The following CHSY3 variants were observed in gnomAD, a reference collection of about 807,000 sequenced individuals.
The protein encoded by CHSY3 is chondroitin sulfate synthase 3.
CHSY3 carries 35 observed loss-of-function variants against 67.2 expected under a neutral mutation model. The ratio of observed to expected loss-of-function variants is 0.52; its 90% CI spans 0.40 to 0.69. The LOEUF (loss-of-function observed/expected upper bound fraction) is 0.69, where lower values mean the gene tolerates loss of function less well. Ranked by LOEUF, CHSY3 falls within the 30% of genes least tolerant of loss-of-function variation. The pLI is 0.00. For missense variants in CHSY3, 1,069 were observed against 1,138.5 expected, an observed-to-expected ratio of 0.94 and a Z score of 0.88; for synonymous variants, 474 against 434.7, an observed-to-expected ratio of 1.09 and a Z score of -1.12.
chr5:129,988,016 A>G (rs1763254863), intron 2 of CHSY3, among the ~76,000 whole-genome samples: 1 of 152,204 alleles, frequency 6.6e-6, no homozygotes, highest in Non-Finnish European at 1.5e-5. Context: ...TACCTGAAAT[A>G]ATCTACAGAT....
At position 129,957,987 on chromosome 5, in the gene CHSY3, T is replaced by A. The variant is rs141618754; in HGVS notation, c.1086+49627T>A. On this transcript the variant is annotated intron_variant, in intron 2 of 2. Transcript: ENST00000305031. ...GTCTGTTTTATCTTTACTTTCATGT[T>A]TTTCTTCTTCTGAGGTTTATATCCT... 3.8e-3 allele frequency among the ~76,000 whole-genome samples: 581 copies of A among 152,266 alleles called. 8 individuals are homozygous for A. Among genetic ancestry groups the A allele is most frequent in the African/African-American group, 0.013 (546 of 41,574 alleles).
At chr5:129,905,777 C>A (rs1261094683) in intron 1 of CHSY3, 146 bp downstream of exon 1, 16 of 1,442,668 alleles carry the variant, frequency 1.1e-5, no homozygotes, top group African/African-American at 1.4e-5. Flanking sequence ...CCCTCCCCAC[C>A]CCTTGCATCC....
At chr5:130,104,322 T>A (rs957172843) in intron 2 of CHSY3, among the ~76,000 whole-genome samples, 2 of 151,962 alleles carry the variant, frequency 1.3e-5, no homozygotes, top group Non-Finnish European at 2.9e-5. Context: ...ATGGGAATCC[T>A]TTCTCACCGA....
At position 130,148,349 on chromosome 5, in the gene CHSY3, G is replaced by A. The variant is rs541392889; in HGVS notation, c.1087-35880G>A. The stretch of plus-strand genomic sequence containing the variant: ...TGTCTTTAGCATTGTTAATAGTGCC[G>A]CAGTGAACACATGCATGTGTCTTTA... On this transcript the variant is annotated intron_variant, in intron 2 of 2. Coordinates refer to ENST00000305031, the MANE Select transcript of CHSY3 (RefSeq NM_175856.5). Among the ~76,000 whole-genome samples the A allele has an allele frequency of 5.9e-5, 9 of 152,194 alleles. No homozygotes were observed. In the South Asian group the frequency reaches 6.2e-4, roughly 11 times the overall value.
chr5:130,005,924 T>C (rs1262457505), intron 2 of CHSY3, among the ~76,000 whole-genome samples: 5 of 152,220 alleles, frequency 3.3e-5, no homozygotes, highest in Non-Finnish European at 7.3e-5. Flanking sequence ...AAGAAATGTT[T>C]ATTGCTTCTG....
chr5:130,147,989 A>G (rs1436826933), intron 2 of CHSY3, among the ~76,000 whole-genome samples: 1 of 151,832 alleles, frequency 6.6e-6, no homozygotes, highest in Non-Finnish European at 1.5e-5. Flanking sequence ...ATTTTTCCTG[A>G]TCCCCTCCCT....
chr5:130,088,062 C>T (rs950498608), intron 2 of CHSY3, among the ~76,000 whole-genome samples: 7 of 152,140 alleles, frequency 4.6e-5, no homozygotes, highest in Non-Finnish European at 5.9e-5. Context: ...GAAATAATGC[C>T]GCATATATAC....
At chr5:130,143,808 G>GTATATATA (rs1480395759) in intron 2 of CHSY3, among the ~76,000 whole-genome samples, 7 of 34,058 alleles carry the variant, frequency 2.1e-4, no homozygotes, top group South Asian at 1.4e-3. Context: ...ATATATATGT[G>GTATATATA]TGTATATATA....
chr5:130,175,574 C>G (rs1770022503), intron 2 of CHSY3, among the ~76,000 whole-genome samples: 1 of 152,160 alleles, frequency 6.6e-6, no homozygotes, highest in East Asian at 1.9e-4. Context: ...AAGAACAAAG[C>G]TGGAGGCATC....
chr5:129,947,491 C>T (rs367758815), intron 2 of CHSY3, among the ~76,000 whole-genome samples: 8 of 152,014 alleles, frequency 5.3e-5, no homozygotes, highest in East Asian at 3.9e-4. Flanking sequence ...GGTTTGGTGG[C>T]GCATACCTCT....
chr5:130,185,921 A>C lies in CHSY3; in HGVS notation c.*130A>C. The C allele has an allele frequency of 2.0e-6, 1 of 498,400 alleles. No individual in the cohort carries two copies. Among genetic ancestry groups the C allele is most frequent in the Non-Finnish European group, 3.1e-6 (1 of 321,500 alleles). 30.9% of individuals were successfully genotyped at this position (498,400 alleles called of 1,614,324 possible). On this transcript the variant is annotated 3_prime_UTR_variant, in exon 3 of 3. Transcript: ENST00000305031. ...ATTTTATTTTGTTGTCCTGGTCTTA[A>C]ACTACTCTTGGTTGTCTTCCTAAGG... is the stretch of plus-strand genomic sequence containing the variant.
rs564146346 is a variant in CHSY3 at position 129,905,467 on chromosome 5, A to G, written c.638A>G (p.Asn213Ser). The G allele has an allele frequency of 1.5e-5, 24 of 1,612,514 alleles. No homozygotes were observed. The highest frequency in any genetic ancestry group is 5.0e-5 in the Admixed American group (3 of 60,002). The part of the protein sequence containing the change: ...VEFFSSQQPP[N>S]AGQPPPPLPV... ...TTCTTTTCCAGCCAGCAGCCCCCCAACGCCGGCCAGCCCCCGCCACCCCTG... is the reference window on the plus strand; with the variant it reads ...TTCTTTTCCAGCCAGCAGCCCCCCAGCGCCGGCCAGCCCCCGCCACCCCTG... The change falls in exon 1 of 3, where the codon AAC becomes AGC. Residue 213 changes from asparagine to serine, a missense_variant. Asn to Ser is a conservative substitution (Grantham distance 46, BLOSUM62 1). This residue lies in a region of CHSY3 where 216 missense variants were observed against 311.5 expected (regional missense o/e 0.69). Transcript: ENST00000305031.
intron 2 of CHSY3, among the ~76,000 whole-genome samples, chr5:130,016,397 T>A (rs1175050359): frequency 6.6e-6 from 1 of 152,106 alleles, no homozygotes; most frequent in African/African-American, 2.4e-5. Context: ...TTATTAGTAG[T>A]AGTATTTTAT....
At chr5:130,020,699 A>G (rs889018433) in intron 2 of CHSY3, among the ~76,000 whole-genome samples, 1 of 151,826 alleles carries the variant, frequency 6.6e-6, no homozygotes, top group Non-Finnish European at 1.5e-5. Context: ...AGTCTAGCCT[A>G]GGAATCTTCA....
chr5:130,028,675 G>C (rs779782654), intron 2 of CHSY3, among the ~76,000 whole-genome samples: 6 of 152,096 alleles, frequency 3.9e-5, no homozygotes, highest in Non-Finnish European at 7.4e-5. Flanking sequence ...GGCTCATCTG[G>C]AGAGGGTGCT....
chr5:129,967,614 C>T (rs979868659), intron 2 of CHSY3, among the ~76,000 whole-genome samples: 1 of 151,796 alleles, frequency 6.6e-6, no homozygotes, highest in Non-Finnish European at 1.5e-5. Flanking sequence ...TTCATTAAGA[C>T]TGAATTGCAG....
chr5:130,115,243 T>G (rs184073047), intron 2 of CHSY3, among the ~76,000 whole-genome samples: 3 of 152,100 alleles, frequency 2.0e-5, no homozygotes, highest in African/African-American at 7.2e-5. Context: ...TTTCCCCCCA[T>G]TTTTTTCCTC....
rs78451446 is a variant in CHSY3 at position 130,060,300 on chromosome 5, G to A, written c.1087-123929G>A. 4.3e-3 allele frequency among the ~76,000 whole-genome samples: 650 copies of A among 152,104 alleles called. 2 individuals carry two copies. The highest frequency in any genetic ancestry group is 9.3e-3 in the South Asian group (45 of 4,822). On this transcript the variant is annotated intron_variant, in intron 2 of 2. Coordinates refer to ENST00000305031, the MANE Select transcript of CHSY3 (RefSeq NM_175856.5). Reference sequence around the variant, plus strand: ...AATGTGATTCATTGCATAAACAGCCGTACAAACAAAAACCATATGATCATT... The same window carrying A: ...AATGTGATTCATTGCATAAACAGCCATACAAACAAAAACCATATGATCATT...
At chr5:130,076,551 T>G (rs1766261104) in intron 2 of CHSY3, among the ~76,000 whole-genome samples, 1 of 152,016 alleles carries the variant, frequency 6.6e-6, no homozygotes, top group Admixed American at 6.6e-5. Context: ...GCAAATAATT[T>G]AACAGCATTT....
Sources: gnomAD v4.1 joint callset for allele counts (sites outside exome capture counted in the v4.1 genomes callset) on GRCh38, gnomAD v4.1.1 for gene constraint, gnomAD v4.1.1 regional missense constraint, MANE v1.5 for transcripts, NCBI Gene and HGNC (gene_info 2026-07-23, HGNC 2026-07-21) for gene names.